Variants in ARHGAP20 observed in about 807,000 individuals in gnomAD.
ARHGAP20 encodes Rho GTPase activating protein 20, also known as rho GTPase-activating protein 20.
ARHGAP20 carries 34 observed loss-of-function variants against 73.7 expected under a neutral mutation model. That is an observed-to-expected ratio of 0.46 (90% CI 0.35 to 0.61). ARHGAP20 has a LOEUF of 0.61. Ranked by LOEUF, ARHGAP20 falls within the 20% of genes least tolerant of loss-of-function variation. ARHGAP20 has a pLI of 0.00. For missense variants in ARHGAP20, 1,314 were observed against 1,420.9 expected, an observed-to-expected ratio of 0.92 and a Z score of 1.21; for synonymous variants, 523 against 518.2, an observed-to-expected ratio of 1.01 and a Z score of -0.13.
chr11:110,586,102 A>C (rs1015447760), intron 12 of ARHGAP20, 114 bp downstream of exon 12: 1 of 504,182 alleles, frequency 2.0e-6, no homozygotes, highest in Non-Finnish European at 3.3e-6. Flanking sequence ...GCATACATCT[A>C]TTTTTAAACT....
At chr11:110,705,577 T>C (rs183682138) in intron 1 of ARHGAP20, among the ~76,000 whole-genome samples, 8 of 152,326 alleles carry the variant, frequency 5.3e-5, no homozygotes, top group Admixed American at 2.0e-4. Context: ...AAAACTATAA[T>C]TTATTGTAGT....
Position 110,590,658 on chromosome 11 carries a change from G to C in ARHGAP20, c.1295C>G (p.Ser432Cys), listed in dbSNP as rs148592330. The C allele has an allele frequency of 1.7e-4, 271 of 1,613,694 alleles. No homozygotes were observed. The highest frequency in any genetic ancestry group is 6.4e-4 in the South Asian group (58 of 91,006). ...LDCESIFVIA[S>C]VLKDFLRNIP... is the part of the protein sequence containing the mutation. ...GATGACTCTTCTTACCTTTAAGACAGATGCTATCACAAAAATAGATTCACA... is the reference window on the plus strand; with the variant it reads ...GATGACTCTTCTTACCTTTAAGACACATGCTATCACAAAAATAGATTCACA... The change falls in exon 11 of 15, where the codon TCT becomes TGT. Residue 432 changes from serine (S) to cysteine (C), a missense_variant. This residue lies in a region of ARHGAP20 where 230 missense variants were observed against 317.6 expected (regional missense o/e 0.72). Coordinates refer to ENST00000683387, the MANE Select transcript of ARHGAP20 (RefSeq NM_001384657.1).
At chr11:110,712,823 T>C (rs1237918158), upstream of ARHGAP20, 1 of 152,470 alleles carries the variant, frequency 6.6e-6, no homozygotes, top group Admixed American at 6.5e-5. Context: ...CGCGGAGCGG[T>C]GGCGACCTCA....
chr11:110,580,735 T>C lies in ARHGAP20; in HGVS notation c.2211A>G (p.Gln737=). 2 of 1,614,128 alleles carry C rather than the reference T, an allele frequency of 1.2e-6. No individual in the cohort carries two copies. Among genetic ancestry groups the C allele is most frequent in the Non-Finnish European group, 1.7e-6 (2 of 1,179,996 alleles). ...TCTGCTTCAGATAGTCTTCATCTTT[T>C]TGAGAAAGAATTGCATCACAGCTGG... The part of the protein sequence containing the change: ...RKSSCDAILS[Q]KDEDYLKQNQ... Residue 737 remains glutamine, a synonymous_variant, in exon 15 of 15, where the codon CAA becomes CAG. Coordinates refer to ENST00000683387, the MANE Select transcript of ARHGAP20 (RefSeq NM_001384657.1).
intron 2 of ARHGAP20, among the ~76,000 whole-genome samples, chr11:110,646,121 A>G (rs545555758): frequency 1.3e-5 from 2 of 152,306 alleles, no homozygotes; most frequent in East Asian, 1.9e-4. Context: ...ATTTAAAATA[A>G]AAGTTGAAAA....
intron 2 of ARHGAP20, among the ~76,000 whole-genome samples, chr11:110,656,264 C>A (rs1255474845): frequency 6.6e-6 from 1 of 152,034 alleles, no homozygotes; most frequent in Admixed American, 6.6e-5. Flanking sequence ...GATTCTTAGT[C>A]CTTCTTAGGC....
chr11:110,582,910 T>C (rs548965140), intron 13 of ARHGAP20, among the ~76,000 whole-genome samples: 1 of 152,268 alleles, frequency 6.6e-6, no homozygotes, highest in African/African-American at 2.4e-5. Context: ...GGTCTATCCA[T>C]GTACTGCCAC....
chr11:110,650,053 A>G (rs1949314902), intron 2 of ARHGAP20, among the ~76,000 whole-genome samples: 1 of 152,188 alleles, frequency 6.6e-6, no homozygotes, highest in African/African-American at 2.4e-5. Flanking sequence ...TATGAGCAGT[A>G]TCTGACTCAT....
At chr11:110,668,724 T>C (rs544871307) in intron 2 of ARHGAP20, among the ~76,000 whole-genome samples, 20 of 152,148 alleles carry the variant, frequency 1.3e-4, no homozygotes, top group Non-Finnish European at 2.8e-4. Context: ...TACAATATAA[T>C]TTATACATAA....
chr11:110,707,558 C>G (rs1397788315), intron 1 of ARHGAP20, among the ~76,000 whole-genome samples: 1 of 152,086 alleles, frequency 6.6e-6, no homozygotes, highest in African/African-American at 2.4e-5. Context: ...AGTGAGTGAT[C>G]TAGCTAGGCA....
chr11:110,652,251 C>A (rs1949372032), intron 2 of ARHGAP20, among the ~76,000 whole-genome samples: 1 of 152,064 alleles, frequency 6.6e-6, no homozygotes, highest in South Asian at 2.1e-4. Context: ...ATAGTAAGAG[C>A]CATTCATGAC....
chr11:110,681,771 T>C (rs1048613541), intron 2 of ARHGAP20, among the ~76,000 whole-genome samples: 42 of 152,288 alleles, frequency 2.8e-4, no homozygotes, highest in African/African-American at 1.0e-3. Flanking sequence ...GAACCCAAAG[T>C]GGAAGCCAGT....
intron 14 of ARHGAP20, 34 bp downstream of exon 14, chr11:110,582,287 T>G: frequency 6.6e-7 from 1 of 1,522,816 alleles, no homozygotes; most frequent in Non-Finnish European, 9.1e-7. Flanking sequence ...ATGTGTCTGT[T>G]TCTCACAAAA....
intron 2 of ARHGAP20, among the ~76,000 whole-genome samples, chr11:110,648,712 ACCT>A (rs1949283034): frequency 6.6e-6 from 1 of 151,998 alleles, no homozygotes; most frequent in Admixed American, 6.6e-5. Context: ...TGAACTCCTG[ACCT>A]CGAGAGATCC....
At chr11:110,634,150 A>G (rs1275144186) in intron 2 of ARHGAP20, among the ~76,000 whole-genome samples, 2 of 152,166 alleles carry the variant, frequency 1.3e-5, no homozygotes, top group Non-Finnish European at 2.9e-5. Flanking sequence ...CTTGGGGTAA[A>G]AAGTCATCAG....
intron 2 of ARHGAP20, among the ~76,000 whole-genome samples, chr11:110,643,598 A>G (rs1243792320): frequency 6.6e-6 from 1 of 151,746 alleles, no homozygotes; most frequent in Non-Finnish European, 1.5e-5. Flanking sequence ...CTTGATACTG[A>G]TTTCTATTTT....
At chr11:110,645,112 T>C (rs763552148) in intron 2 of ARHGAP20, among the ~76,000 whole-genome samples, 1 of 151,888 alleles carries the variant, frequency 6.6e-6, no homozygotes, top group Non-Finnish European at 1.5e-5. Flanking sequence ...TGGGTTCAAG[T>C]GATTCTCATG....
At chr11:110,594,535 C>T (rs1482187575) in intron 9 of ARHGAP20, among the ~76,000 whole-genome samples, 1 of 152,130 alleles carries the variant, frequency 6.6e-6, no homozygotes, top group Non-Finnish European at 1.5e-5. Context: ...GTTTCACAGC[C>T]TTCAGCAGGT....
rs142749132 is a variant in ARHGAP20 at position 110,581,124 on chromosome 11, C to T, written c.1822G>A (p.Gly608Ser). 88 of 1,614,066 alleles carry T rather than the reference C, an allele frequency of 5.5e-5. No individual in the cohort carries two copies. The highest frequency in any genetic ancestry group is 7.2e-5 in the Non-Finnish European group (85 of 1,180,038). Residue 608 changes from glycine (G) to serine (S), a missense_variant, in exon 15 of 15, where the codon GGC (glycine) becomes AGC (serine). Physicochemically the swap from Gly to Ser is moderately conservative, Grantham distance 56. Transcript: ENST00000683387. ...GAGTCCATGCTTCTGCTCCCCTGGC[C>T]AAGTTTCTTTACCAAGTCACTGCAT... Reference protein sequence around the residue: ...APCSDLVKKLGQGSRSMDSVL... With the variant: ...APCSDLVKKLSQGSRSMDSVL...
Sources: allele counts gnomAD v4.1 joint callset (sites outside exome capture counted in the v4.1 genomes callset), GRCh38; gene constraint gnomAD v4.1.1; regional missense constraint gnomAD v4.1.1; transcripts MANE v1.5; gene names NCBI Gene and HGNC (gene_info 2026-07-23, HGNC 2026-07-21).